Variants in RBM33 observed in about 807,000 individuals in gnomAD.
RBM33 encodes RNA binding motif protein 33, also known as RNA-binding protein 33.
RBM33 carries 28 observed loss-of-function variants against 132.6 expected under a neutral mutation model. The ratio of observed to expected loss-of-function variants is 0.21; its 90% CI spans 0.16 to 0.29. The LOEUF (loss-of-function observed/expected upper bound fraction) is 0.29, where lower values mean the gene tolerates loss of function less well. Ranked by LOEUF, RBM33 falls within the 10% of genes least tolerant of loss-of-function variation. RBM33 has a pLI of 1.00. For missense variants in RBM33, 1,291 were observed against 1,518.5 expected (o/e 0.85, Z 2.49); for synonymous variants, 634 against 593.0 (o/e 1.07, Z -1.01).
At chr7:155,743,152 A>G (rs907649425) in intron 13 of RBM33, among the ~76,000 whole-genome samples, 6 of 152,262 alleles carry the variant, frequency 3.9e-5, no homozygotes, top group South Asian at 2.1e-4. Flanking sequence ...TTAACATACA[A>G]TGAACTCTTA....
At chr7:155,673,826 A>G (rs1799078337) in intron 3 of RBM33, among the ~76,000 whole-genome samples, 1 of 150,660 alleles carries the variant, frequency 6.6e-6, no homozygotes, top group Non-Finnish European at 1.5e-5. Context: ...TTCGGACATT[A>G]TAAAACACAT....
At chr7:155,690,572 T>G (rs1799608322) in intron 5 of RBM33, among the ~76,000 whole-genome samples, 2 of 152,202 alleles carry the variant, frequency 1.3e-5, no homozygotes, top group Non-Finnish European at 2.9e-5. Context: ...TCGATGGTCT[T>G]TACAATTTGG....
intron 1 of RBM33, among the ~76,000 whole-genome samples, chr7:155,645,392 T>C (rs1563124367): frequency 6.6e-6 from 1 of 152,234 alleles, no homozygotes; most frequent in East Asian, 1.9e-4. Context: ...TTCACCTGTG[T>C]GAAGGAATGT....
chr7:155,765,839 G>A (rs763557332), intron 15 of RBM33, among the ~76,000 whole-genome samples: 22 of 152,288 alleles, frequency 1.4e-4, no homozygotes, highest in Middle Eastern at 3.4e-3. Context: ...ATCATACTTG[G>A]GGAGTGCCTG....
Position 155,775,785 on chromosome 7 carries a change from C to T in RBM33, c.*744C>T, listed in dbSNP as rs1802587149. ...TCGGCTAGAGCAGGGTCTGTGATGG[C>T]CTCACCTGGCAGCCCTCTGGCCTAG... On this transcript the variant is annotated 3_prime_UTR_variant, in exon 18 of 18. Coordinates refer to ENST00000401878, the MANE Select transcript of RBM33 (RefSeq NM_053043.3). The T allele has an allele frequency of 6.5e-6, 1 of 153,156 alleles. No individual in the cohort carries two copies. 9.5% of individuals were successfully genotyped at this position (153,156 alleles called of 1,614,324 possible). A position where few individuals can be genotyped will look rare whatever the true frequency, so the allele number is the denominator to read the frequency against.
intron 1 of RBM33, among the ~76,000 whole-genome samples, chr7:155,653,514 G>GT (rs1798411647): frequency 6.6e-6 from 1 of 152,064 alleles, no homozygotes; most frequent in Admixed American, 6.5e-5. Context: ...GTGGGGGCTT[G>GT]TCAGAAAAAC....
chr7:155,758,444 AC>A (rs1801921347), intron 14 of RBM33, among the ~76,000 whole-genome samples: 1 of 152,104 alleles, frequency 6.6e-6, no homozygotes, highest in Non-Finnish European at 1.5e-5. Flanking sequence ...GGAGCTGGCA[AC>A]CTAGATCCCT....
In RBM33 at chr7:155,738,046, G is replaced by GTGTT. The variant is rs1801185681; in HGVS notation, c.1394-13_1394-10dup. ...TTTTTAACCTGAAGTTAATGATGTTGTGTTACCTTTCAGTTTCAGGTGAAC... is the reference window on the plus strand; with the variant it reads ...TTTTTAACCTGAAGTTAATGATGTTGTGTTTGTTACCTTTCAGTTTCAGGTGAAC... On this transcript the variant is annotated splice_polypyrimidine_tract_variant and intron_variant, in intron 10 of 17. Transcript: ENST00000401878. 6.2e-7 allele frequency: 1 copy of GTGTT among 1,604,376 alleles called. No homozygotes were observed. The highest frequency in any genetic ancestry group is 1.3e-5 in the African/African-American group (1 of 74,724).
intron 5 of RBM33, among the ~76,000 whole-genome samples, chr7:155,697,761 A>G (rs927024474): frequency 1.3e-5 from 2 of 152,150 alleles, no homozygotes; most frequent in South Asian, 2.1e-4. Context: ...TTGCTTTTCC[A>G]GTTCTTTCTA....
chr7:155,745,142 C>T lies in RBM33; in HGVS notation c.2519C>T (p.Pro840Leu), dbSNP rs756012333. The change falls in exon 14 of 18, where the codon CCA becomes CTA. Residue 840 changes from proline (P) to leucine (L), a missense_variant. Physicochemically the swap from Pro to Leu is moderately conservative, Grantham distance 98. Transcript: ENST00000401878. This position sits in a 1 kb window ranked among gnomAD's most constrained non-coding sequence, Gnocchi z 4.1. ...QQQQLYAPPP[P>L]AEQEEQALSP... ...CAGCAGCTGTACGCTCCCCCACCCC[C>T]AGCAGAGCAGGAAGAGCAGGCACTG... is the stretch of plus-strand genomic sequence containing the variant. 10 of 1,603,974 alleles carry T rather than the reference C, an allele frequency of 6.2e-6. No individual in the cohort carries two copies. The East Asian group carries it at 6.7e-5, about 11-fold the overall frequency.
At chr7:155,650,002 C>G (rs548744106) in intron 1 of RBM33, among the ~76,000 whole-genome samples, 1 of 152,186 alleles carries the variant, frequency 6.6e-6, no homozygotes, top group African/African-American at 2.4e-5. Context: ...CCAGATTTCC[C>G]ATTATACATG....
At chr7:155,703,964 G>A (rs1398611126) in intron 6 of RBM33, among the ~76,000 whole-genome samples, 6 of 151,378 alleles carry the variant, frequency 4.0e-5, no homozygotes, top group South Asian at 2.1e-4. Context: ...TTTTGTTTTC[G>A]CTGATATTGT....
chr7:155,745,647 A>T lies in RBM33; in HGVS notation c.2979+45A>T. On this transcript the variant is annotated intron_variant, in intron 14 of 17. Transcript: ENST00000401878. The surrounding 1 kb of genome is among the most constrained non-coding windows in gnomAD (Gnocchi z 4.1). ...GAGAGCCTCTTTGAGTCTGTGTATC[A>T]CATAGAATGTCCTCATTTGCAGAGA... 6.8e-7 allele frequency: 1 copy of T among 1,462,494 alleles called. No homozygotes were observed. The highest frequency in any genetic ancestry group is 2.5e-5 in the Admixed American group (1 of 40,048). 90.6% of individuals were successfully genotyped at this position (1,462,494 alleles called of 1,614,324 possible).
intron 1 of RBM33, 35 bp downstream of exon 1, chr7:155,644,954 C>T: frequency 8.2e-6 from 12 of 1,461,912 alleles, no homozygotes; most frequent in Non-Finnish European, 1.1e-5. Flanking sequence ...GGGCCAGGAC[C>T]GCGCCGCGGT....
In RBM33 at chr7:155,644,833, G is replaced by T; in HGVS notation, c.-44G>T. 1 of 1,447,882 alleles carries T rather than the reference G, an allele frequency of 6.9e-7. No homozygotes were observed. The highest frequency in any genetic ancestry group is 9.1e-7 in the Non-Finnish European group (1 of 1,099,492). 89.7% of individuals were successfully genotyped at this position (1,447,882 alleles called of 1,614,324 possible). On this transcript the variant is annotated 5_prime_UTR_variant, in exon 1 of 18. Transcript: ENST00000401878. ...CCGGACCAGGCACGTCGGCCCACCA[G>T]CTGGCTTGGTGGGGGAGGCTGAAGG... is the stretch of plus-strand genomic sequence containing the variant.
rs765418058 is a variant in RBM33, at chr7:155,741,940, G to C, written c.2171G>C (p.Ser724Thr). 3.7e-6 allele frequency: 6 copies of C among 1,614,002 alleles called. No individual in the cohort carries two copies. Among genetic ancestry groups the C allele is most frequent in the East Asian group, 2.2e-5 (1 of 44,874 alleles). ...APSHVIEMSSSRCSATPSAQV... is the reference protein window; with the variant it reads ...APSHVIEMSSTRCSATPSAQV... ...TCACACGTGATAGAAATGAGCAGCA[G>C]CCGCTGCTCTGCCACGCCCTCAGCA... The change falls in exon 13 of 18, where the codon AGC (serine) becomes ACC (threonine). Residue 724 changes from serine to threonine, a missense_variant. Ser to Thr is a moderately conservative substitution (Grantham distance 58). Coordinates refer to ENST00000401878, the MANE Select transcript of RBM33 (RefSeq NM_053043.3).
chr7:155,726,548 T>C (rs1800799757), intron 9 of RBM33, among the ~76,000 whole-genome samples: 1 of 152,206 alleles, frequency 6.6e-6, no homozygotes. Context: ...GAGCACTTAT[T>C]TGAGAGGATT....
At chr7:155,668,983 T>C (rs1393847651) in intron 2 of RBM33, among the ~76,000 whole-genome samples, 1 of 152,262 alleles carries the variant, frequency 6.6e-6, no homozygotes, top group African/African-American at 2.4e-5. Flanking sequence ...GAGACGGTTC[T>C]AGGTTTTATT....
Position 155,738,243 on chromosome 7 carries a change from G to C in RBM33, c.1577G>C (p.Arg526Pro), listed in dbSNP as rs757175220. 1 of 1,613,964 alleles carries C rather than the reference G, an allele frequency of 6.2e-7. No homozygotes were observed. The highest frequency in any genetic ancestry group is 8.5e-7 in the Non-Finnish European group (1 of 1,179,898). ...CAGCAGCCAGTGTTCCCAAGAGAGC[G>C]GCCCGTACGACCAGCCTTGCAGCCT... ...QGQQPVFPRE[R>P]PVRPALQPPG... Residue 526 changes from arginine to proline, a missense_variant, in exon 11 of 18, where the codon CGG (arginine) becomes CCG (proline). Transcript: ENST00000401878.
Sources: gnomAD v4.1 joint callset for allele counts (sites outside exome capture counted in the v4.1 genomes callset) on GRCh38, gnomAD v4.1.1 for gene constraint, Gnocchi (gnomAD v3.1) non-coding constraint, MANE v1.5 for transcripts, NCBI Gene and HGNC (gene_info 2026-07-23, HGNC 2026-07-21) for gene names.